CELF4: variants seen among roughly 807,000 people sequenced by gnomAD.
CELF4 encodes the protein CUG-BP- and ETR-3-like factor 4.
A neutral mutation model predicts 59.9 loss-of-function variants in CELF4; 18 were observed. That is an observed-to-expected ratio of 0.30 (90% CI 0.21 to 0.45). CELF4 has a LOEUF of 0.45. Ranked by LOEUF, CELF4 falls within the 20% of genes least tolerant of loss-of-function variation. The pLI is 1.00. For missense variants in CELF4, 456 were observed against 689.0 expected (o/e 0.66, Z 3.79); for synonymous variants, 261 against 267.1 (o/e 0.98, Z 0.22).
intron 2 of CELF4, among the ~76,000 whole-genome samples, chr18:37,340,968 C>T (rs2097997566): frequency 6.6e-6 from 1 of 152,172 alleles, no homozygotes; most frequent in African/African-American, 2.4e-5. Flanking sequence ...CTGTTCAGTC[C>T]CCAGCCATTC....
chr18:37,474,949 C>T lies in CELF4; in HGVS notation c.369+10576G>A, dbSNP rs1022798217. Among the ~76,000 whole-genome samples, 4 of 152,168 alleles carry T rather than the reference C, an allele frequency of 2.6e-5. No individual in the cohort carries two copies. The East Asian group carries it at 5.8e-4, about 22-fold the overall frequency. On this transcript the variant is annotated intron_variant, in intron 2 of 12. Transcript: ENST00000420428. Reference sequence around the variant, plus strand: ...GCAGCAAGCCAGAAAAGCTAGAAAGCGGAAGACCCCTGGGCACAACCTCGG... The same window carrying T: ...GCAGCAAGCCAGAAAAGCTAGAAAGTGGAAGACCCCTGGGCACAACCTCGG...
At chr18:37,561,899 G>A (rs190965961) in intron 1 of CELF4, among the ~76,000 whole-genome samples, 1,928 of 152,286 alleles carry the variant, frequency 0.013, 20 homozygotes, top group Non-Finnish European at 0.02. Flanking sequence ...CTTTCCCAAA[G>A]TGCTCTAATA....
At chr18:37,399,026 G>A (rs1274982551) in intron 2 of CELF4, among the ~76,000 whole-genome samples, 6 of 152,154 alleles carry the variant, frequency 3.9e-5, no homozygotes, top group Non-Finnish European at 1.5e-5. Context: ...ACCCCTTTCA[G>A]GTCAGCATTT....
rs544099312 is a variant in CELF4, at chr18:37,497,728, A to G, written c.287-12121T>C. Among the ~76,000 whole-genome samples the G allele has an allele frequency of 6.6e-5, 10 of 152,236 alleles. 1 individual carries two copies. In the South Asian group the frequency reaches 2.1e-3, roughly 32 times the overall value. On this transcript the variant is annotated intron_variant, in intron 1 of 12. Coordinates refer to ENST00000420428, the MANE Select transcript of CELF4 (RefSeq NM_020180.4). ...GCCAGGTGATGAGTGTGCAACCAAC[A>G]TACCTATCAAGCCAAAGTTTGTGCA...
chr18:37,357,293 C>T (rs1277993621), intron 2 of CELF4, among the ~76,000 whole-genome samples: 1 of 152,188 alleles, frequency 6.6e-6, no homozygotes, highest in Non-Finnish European at 1.5e-5. Flanking sequence ...CCTAGCTGCT[C>T]CAGCTGGGGC....
chr18:37,485,447 G>T lies in CELF4; in HGVS notation c.369+78C>A, dbSNP rs1459400125. On this transcript the variant is annotated intron_variant, in intron 2 of 12. Coordinates refer to ENST00000420428, the MANE Select transcript of CELF4 (RefSeq NM_020180.4). Reference sequence around the variant, plus strand: ...GCGCCCTGCCGTCCTCTCCCCGCGCGCCGCGCCGCCGCCCGGCCTCCCGAA... The same window carrying T: ...GCGCCCTGCCGTCCTCTCCCCGCGCTCCGCGCCGCCGCCCGGCCTCCCGAA... 140 of 889,714 alleles carry T rather than the reference G, an allele frequency of 1.6e-4. 1 individual carries two copies. The highest frequency in any genetic ancestry group is 1.9e-4 in the Non-Finnish European group (135 of 711,280). The allele number at this position is 889,714 out of a possible 1,614,324, so 55.1% of individuals were successfully genotyped here.
At chr18:37,390,190 G>C (rs991246484) in intron 2 of CELF4, among the ~76,000 whole-genome samples, 2 of 152,174 alleles carry the variant, frequency 1.3e-5, no homozygotes, top group Admixed American at 1.3e-4. Context: ...GCGCCACATG[G>C]GAGCCTGCAG....
chr18:37,402,191 C>A (rs779295221), intron 2 of CELF4, among the ~76,000 whole-genome samples: 23 of 152,186 alleles, frequency 1.5e-4, no homozygotes, highest in Admixed American at 6.5e-4. Context: ...ATACATGATC[C>A]GCTGGGGATG....
At chr18:37,531,886 C>T (rs1238213234) in intron 1 of CELF4, among the ~76,000 whole-genome samples, 1 of 152,208 alleles carries the variant, frequency 6.6e-6, no homozygotes, top group African/African-American at 2.4e-5. Context: ...TCACTGTGGC[C>T]CTTCCCTGCC....
intron 2 of CELF4, among the ~76,000 whole-genome samples, chr18:37,344,853 G>A (rs2098192493): frequency 6.6e-6 from 1 of 152,214 alleles, no homozygotes; most frequent in Non-Finnish European, 1.5e-5. Context: ...TGGCCTTGCA[G>A]CATCCTGGAT....
chr18:37,547,192 T>TGTGTG (rs1555642243), intron 1 of CELF4, among the ~76,000 whole-genome samples: 2 of 151,624 alleles, frequency 1.3e-5, no homozygotes, highest in African/African-American at 4.8e-5. Context: ...TGTGTGTGTA[T>TGTGTG]TCTCTTAATA....
Position 37,299,184 on chromosome 18 carries a change from C to G in CELF4, c.448+22619G>C, listed in dbSNP as rs145178784. Among the ~76,000 whole-genome samples, 103 of 152,294 alleles carry G rather than the reference C, an allele frequency of 6.8e-4. No individual in the cohort carries two copies. The East Asian group carries it at 0.018, about 27-fold the overall frequency. ...AGTCACCGCACCATGGGGGAGGGCA[C>G]TAAACAGAGGCAGACCAGAAGAGGC... is the stretch of plus-strand genomic sequence containing the variant. On this transcript the variant is annotated intron_variant, in intron 3 of 12. Transcript: ENST00000420428.
chr18:37,537,169 T>G (rs1316333303), intron 1 of CELF4, among the ~76,000 whole-genome samples: 3 of 152,240 alleles, frequency 2.0e-5, no homozygotes, highest in Admixed American at 6.5e-5. Flanking sequence ...TTTTCTGCTG[T>G]GCACTCAGTT....
At chr18:37,370,934 C>T (rs11662208) in intron 2 of CELF4, among the ~76,000 whole-genome samples, 2 of 152,172 alleles carry the variant, frequency 1.3e-5, no homozygotes, top group East Asian at 1.9e-4. Context: ...GGATGTCACA[C>T]GTGTCTTCAA....
chr18:37,273,039 G>A lies in CELF4; in HGVS notation c.926C>T (p.Ala309Val). 6.2e-7 allele frequency: 1 copy of A among 1,611,416 alleles called. No individual in the cohort carries two copies. Among genetic ancestry groups the A allele is most frequent in the Non-Finnish European group, 8.5e-7 (1 of 1,179,474 alleles). The change falls in exon 7 of 13, where the codon GCC becomes GTC. Residue 309 changes from alanine to valine, a missense_variant. By Grantham distance (64) the Ala-to-Val change is moderately conservative. Around this residue, in one of 7 missense-constraint regions of CELF4, gnomAD observed 256 missense variants for 340.8 expected, o/e 0.75. Coordinates refer to ENST00000420428, the MANE Select transcript of CELF4 (RefSeq NM_020180.4). ...MAALNMNGLAAAPMTPTSGGS... is the reference protein window; with the variant it reads ...MAALNMNGLAVAPMTPTSGGS... ...ACCTGAGGTTGGGGTCATAGGTGCG[G>A]CCGCCAGGCCATTCATGTTGAGGGC...
At chr18:37,448,313 G>A (rs1316700927) in intron 2 of CELF4, among the ~76,000 whole-genome samples, 6 of 152,328 alleles carry the variant, frequency 3.9e-5, no homozygotes, top group African/African-American at 1.2e-4. Flanking sequence ...GGCCCTGGGT[G>A]CTGGCAGAGG....
intron 2 of CELF4, among the ~76,000 whole-genome samples, chr18:37,418,278 A>G (rs549849740): frequency 1.3e-5 from 2 of 152,316 alleles, no homozygotes; most frequent in East Asian, 1.9e-4. Context: ...TGACTGTAGC[A>G]TGGAGGTTTC....
At chr18:37,558,447 A>G (rs548544861) in intron 1 of CELF4, among the ~76,000 whole-genome samples, 1 of 142,810 alleles carries the variant, frequency 7.0e-6, no homozygotes, top group African/African-American at 2.7e-5. Context: ...CGAATGGAAC[A>G]CTTATCTCCT....
At chr18:37,322,774 A>G (rs2097169248) in intron 2 of CELF4, among the ~76,000 whole-genome samples, 1 of 152,224 alleles carries the variant, frequency 6.6e-6, no homozygotes, top group African/African-American at 2.4e-5. Context: ...TGTCTTCACC[A>G]GTGCTTCTGC....
Sources: allele counts gnomAD v4.1 joint callset (sites outside exome capture counted in the v4.1 genomes callset), GRCh38; gene constraint gnomAD v4.1.1; regional missense constraint gnomAD v4.1.1; transcripts MANE v1.5; gene names NCBI Gene and HGNC (gene_info 2026-07-23, HGNC 2026-07-21).